The following RORA variants were observed in gnomAD, a reference collection of about 807,000 sequenced individuals.
RORA encodes nuclear receptor ROR-alpha.
RORA carries 7 observed loss-of-function variants against 69.5 expected under a neutral mutation model. The observed-to-expected ratio is 0.10, with a 90% CI of 0.06 to 0.19. The LOEUF is 0.19. RORA is among the 10% of genes least tolerant of loss of function. The probability of loss-of-function intolerance (pLI) is 1.00; values close to 1 mark genes in which losing one functional copy is unlikely to be tolerated. For missense variants in RORA, 457 were observed against 663.0 expected (o/e 0.69, Z 3.41); for synonymous variants, 261 against 240.8 (o/e 1.08, Z -0.78).
At chr15:61,135,433 C>T (rs992489974) in intron 1 of RORA, among the ~76,000 whole-genome samples, 5 of 152,062 alleles carry the variant, frequency 3.3e-5, no homozygotes, top group Non-Finnish European at 7.4e-5. Context: ...AGTATCTATT[C>T]TACTTACAGC....
In RORA at chr15:60,497,506, G is replaced by A. The variant is rs761514112; in HGVS notation, c.1521C>T (p.Tyr507=). Residue 507 remains tyrosine (Y), a synonymous_variant, in exon 11 of 11, where the codon TAC becomes TAT. Transcript: ENST00000335670. The stretch of plus-strand genomic sequence containing the variant: ...CAAATTCTGAAGTGAACAACTCCTT[G>A]TATAATGGAGGAAAATGAAGTCGCA... ...DIVRLHFPPL[Y]KELFTSEFEP... is the part of the protein sequence containing the mutation. 3.1e-6 allele frequency: 5 copies of A among 1,613,830 alleles called. No homozygotes were observed. In the African/African-American group the frequency reaches 6.7e-5, roughly 22 times the overall value.
chr15:60,801,576 A>G (rs541199485), intron 1 of RORA, among the ~76,000 whole-genome samples: 1 of 152,332 alleles, frequency 6.6e-6, no homozygotes, highest in East Asian at 1.9e-4. Context: ...GGCTATTTGG[A>G]ATGTCTCTGC....
chr15:61,158,540 T>C (rs2079465800), intron 1 of RORA, among the ~76,000 whole-genome samples: 1 of 152,230 alleles, frequency 6.6e-6, no homozygotes. Context: ...CCTTTGCCTT[T>C]ATTGAATAAA....
At chr15:61,056,956 C>T (rs953497679) in intron 1 of RORA, among the ~76,000 whole-genome samples, 2 of 152,216 alleles carry the variant, frequency 1.3e-5, no homozygotes, top group African/African-American at 2.4e-5. Context: ...CATGAAAAGG[C>T]GATGCCTTTA....
Position 60,490,885 on chromosome 15 carries a change from A to G in RORA, c.*6570T>C, listed in dbSNP as rs1422963008. 6.6e-6 allele frequency: 1 copy of G among 152,158 alleles called. No homozygotes were observed. The highest frequency in any genetic ancestry group is 1.5e-5 in the Non-Finnish European group (1 of 68,006). 9.4% of individuals were successfully genotyped at this position (152,158 alleles called of 1,614,324 possible). ...AAAAGCCTTGTCTGGGGTTTGTCAT[A>G]TGTTAAATATTATTTAAAGTGGGAA... On this transcript the variant is annotated 3_prime_UTR_variant, in exon 11 of 11. Transcript: ENST00000335670. This position sits in a 1 kb window ranked among gnomAD's most constrained non-coding sequence, Gnocchi z 4.1.
intron 1 of RORA, among the ~76,000 whole-genome samples, chr15:61,111,439 A>G (rs536334691): frequency 1.3e-5 from 2 of 152,334 alleles, no homozygotes; most frequent in South Asian, 2.1e-4. Flanking sequence ...TTGGTGACTG[A>G]TGGCAACACT....
intron 1 of RORA, among the ~76,000 whole-genome samples, chr15:61,107,960 T>G (rs1472985333): frequency 1.3e-5 from 2 of 152,172 alleles, no homozygotes; most frequent in African/African-American, 4.8e-5. Context: ...AATTAATAAC[T>G]CTGTATTGAC....
intron 1 of RORA, among the ~76,000 whole-genome samples, chr15:61,217,262 G>A (rs879586109): frequency 9.2e-5 from 14 of 152,100 alleles, no homozygotes; most frequent in Admixed American, 5.9e-4. Context: ...GCTCATACCT[G>A]GAAAATAACT....
intron 1 of RORA, among the ~76,000 whole-genome samples, chr15:60,883,714 C>T (rs369796560): frequency 1.2e-4 from 19 of 152,220 alleles, no homozygotes; most frequent in East Asian, 1.2e-3. Flanking sequence ...TAAGCATGTG[C>T]TACTTTTATA....
intron 1 of RORA, among the ~76,000 whole-genome samples, chr15:61,190,177 CAG>C (rs71796194): frequency 5.7e-3 from 5 of 878 alleles, no homozygotes. Flanking sequence ...GTATTTGGTC[CAG>C]AAAAAAAAAA....
intron 1 of RORA, among the ~76,000 whole-genome samples, chr15:60,756,441 G>A (rs1333529805): frequency 2.0e-5 from 3 of 152,310 alleles, no homozygotes; most frequent in African/African-American, 7.2e-5. Flanking sequence ...AGTTTATAAA[G>A]ACTGTGCATC....
At chr15:60,565,988 T>C (rs2067701837) in intron 2 of RORA, among the ~76,000 whole-genome samples, 1 of 152,218 alleles carries the variant, frequency 6.6e-6, no homozygotes, top group Admixed American at 6.5e-5. Context: ...GGTAATATAA[T>C]GCAAAGTTAA....
intron 1 of RORA, among the ~76,000 whole-genome samples, chr15:61,138,858 A>C (rs1244235987): frequency 2.6e-5 from 4 of 152,182 alleles, no homozygotes; most frequent in Non-Finnish European, 5.9e-5. Flanking sequence ...ATTTAAAAAA[A>C]ACACAGGCCG....
intron 1 of RORA, among the ~76,000 whole-genome samples, chr15:61,041,648 T>C (rs1896779006): frequency 6.6e-6 from 1 of 152,168 alleles, no homozygotes; most frequent in Admixed American, 6.5e-5. Flanking sequence ...AGCCTCGAAC[T>C]CCTGGGCTTA....
At chr15:61,107,174 C>T (rs782918) in intron 1 of RORA, among the ~76,000 whole-genome samples, 39,392 of 151,970 alleles carry the variant, frequency 0.26, 5,439 homozygotes, top group South Asian at 0.37. Context: ...GTTTCTAATA[C>T]GCCCATCAAC....
chr15:60,542,728 A>G (rs73420079), intron 2 of RORA, among the ~76,000 whole-genome samples: 14,390 of 145,440 alleles, frequency 0.099, 2,723 homozygotes, highest in African/African-American at 0.38. Context: ...CACGGCACAC[A>G]GGCACACCTC....
intron 1 of RORA, among the ~76,000 whole-genome samples, chr15:60,920,799 T>C (rs190310193): frequency 2.1e-4 from 32 of 152,370 alleles, no homozygotes; most frequent in Admixed American, 2.0e-3. Context: ...TAAACAATTA[T>C]GTTCATGTTT....
intron 1 of RORA, among the ~76,000 whole-genome samples, chr15:60,741,500 A>T (rs1041301498): frequency 6.6e-6 from 1 of 152,218 alleles, no homozygotes; most frequent in Non-Finnish European, 1.5e-5. Flanking sequence ...AGAGAATGGA[A>T]TAAAGCAGAG....
At chr15:61,027,008 A>G (rs78548535) in intron 1 of RORA, among the ~76,000 whole-genome samples, 1 of 147,346 alleles carries the variant, frequency 6.8e-6, no homozygotes. Context: ...CTGGCCTGCA[A>G]AAAAAAAAAA....
Sources: allele counts gnomAD v4.1 joint callset (sites outside exome capture counted in the v4.1 genomes callset), GRCh38; gene constraint gnomAD v4.1.1; non-coding constraint Gnocchi (gnomAD v3.1); transcripts MANE v1.5; gene names NCBI Gene and HGNC (gene_info 2026-07-23, HGNC 2026-07-21).